Variants in GRAMD1B observed in about 807,000 individuals in gnomAD.
GRAMD1B encodes the protein GRAM domain containing 1B.
GRAMD1B carries 37 observed loss-of-function variants against 99.7 expected under a neutral mutation model. The ratio of observed to expected loss-of-function variants is 0.37; its 90% CI spans 0.29 to 0.49. The LOEUF (loss-of-function observed/expected upper bound fraction) is 0.49. Ranked by LOEUF, GRAMD1B falls within the 20% of genes least tolerant of loss-of-function variation. The probability of loss-of-function intolerance (pLI) is 0.98; values close to 1 mark genes in which losing one functional copy is unlikely to be tolerated. For missense variants in GRAMD1B, 888 were observed against 1,009.2 expected (o/e 0.88, Z 1.63); for synonymous variants, 427 against 387.6 (o/e 1.10, Z -1.19).
At chr11:123,579,910 CAG>C (rs1270203043) in intron 3 of GRAMD1B, among the ~76,000 whole-genome samples, 3 of 152,180 alleles carry the variant, frequency 2.0e-5, no homozygotes, top group Admixed American at 6.5e-5. Context: ...GAGCAGGAAT[CAG>C]GGGCCAAACT....
intron 1 of GRAMD1B, among the ~76,000 whole-genome samples, chr11:123,456,296 T>G (rs1480469711): frequency 1.3e-5 from 2 of 152,200 alleles, no homozygotes; most frequent in Non-Finnish European, 2.9e-5. Context: ...AGAAAAAAGT[T>G]TCAGATGCCT....
rs559811602 is a variant in GRAMD1B at position 123,441,351 on chromosome 11, A to G, written c.374+10185A>G. On this transcript the variant is annotated intron_variant, in intron 1 of 19. Coordinates refer to ENST00000635736, the MANE Select transcript of GRAMD1B (RefSeq NM_001387025.1). ...CCTACACTAGAGACAAAATCTCAGC[A>G]TGCAGGCCGGGTGTGGTGGTTCACG... Among the ~76,000 whole-genome samples the G allele has an allele frequency of 1.1e-3, 174 of 152,276 alleles. 1 individual carries two copies. Among genetic ancestry groups the G allele is most frequent in the Non-Finnish European group, 2.3e-3 (155 of 68,034 alleles).
chr11:123,594,742 A>G lies in GRAMD1B; in HGVS notation c.777A>G (p.Ser259=), dbSNP rs1951069967. The change falls in exon 6 of 20, where the codon TCA becomes TCG. Residue 259 remains serine, a synonymous_variant. Coordinates refer to ENST00000635736, the MANE Select transcript of GRAMD1B (RefSeq NM_001387025.1). The part of the protein sequence containing the change: ...PDTERLIVDY[S]CALQRDILLQ... The stretch of plus-strand genomic sequence containing the variant: ...CCTCCGCTCCTACCACAGATTACTC[A>G]TGTGCACTCCAAAGAGACATTCTCC... The G allele has an allele frequency of 6.4e-7, 1 of 1,564,392 alleles. No homozygotes were observed. Among genetic ancestry groups the G allele is most frequent in the Non-Finnish European group, 8.8e-7 (1 of 1,134,690 alleles).
rs1251068110 is a variant in GRAMD1B, at chr11:123,578,264, A to G, written c.663+687A>G. The G allele has an allele frequency of 1.2e-5, 8 of 646,274 alleles. No individual in the cohort carries two copies. The South Asian group carries it at 1.3e-4, about 10-fold the overall frequency. 40.0% of individuals were successfully genotyped at this position (646,274 alleles called of 1,614,324 possible). ...TCAGGAAACTTCTCTTCACCCTGGG[A>G]CCCCCAGGGCCTGGGAAGGGGTTGG... is the stretch of plus-strand genomic sequence containing the variant. On this transcript the variant is annotated intron_variant, in intron 3 of 19. Transcript: ENST00000635736.
intron 3 of GRAMD1B, among the ~76,000 whole-genome samples, chr11:123,578,207 G>T (rs1948946689): frequency 6.6e-6 from 1 of 152,088 alleles, no homozygotes; most frequent in South Asian, 2.1e-4. Context: ...GGTCCTTTGG[G>T]GAGCAGGAGA....
intron 1 of GRAMD1B, chr11:123,381,485 A>C (rs1018743397): frequency 1.9e-5 from 3 of 154,296 alleles, no homozygotes; most frequent in Non-Finnish European, 4.4e-5. Flanking sequence ...TGGCTGTGAT[A>C]ATCACCGGAA....
intron 1 of GRAMD1B, among the ~76,000 whole-genome samples, chr11:123,400,643 T>A (rs1947627662): frequency 6.6e-6 from 1 of 151,958 alleles, no homozygotes; most frequent in Non-Finnish European, 1.5e-5. Context: ...CTCTCTGGGG[T>A]CTCTTTCATA....
intron 15 of GRAMD1B, 165 bp from the exon 16 acceptor site, chr11:123,613,290 C>T: frequency 5.0e-6 from 3 of 606,002 alleles, no homozygotes; most frequent in Non-Finnish European, 8.9e-6. Context: ...AAGGGTTTGA[C>T]TGGGGCTGGG....
intron 2 of GRAMD1B, among the ~76,000 whole-genome samples, chr11:123,493,852 C>G (rs144261234): frequency 6.6e-6 from 1 of 152,160 alleles, no homozygotes; most frequent in Non-Finnish European, 1.5e-5. Context: ...GTTCTTCCTC[C>G]CTGTTAGTGA....
chr11:123,565,013 A>G (rs1947187760), intron 2 of GRAMD1B, among the ~76,000 whole-genome samples: 1 of 152,144 alleles, frequency 6.6e-6, no homozygotes, highest in Non-Finnish European at 1.5e-5. Flanking sequence ...AGTTTATTAT[A>G]TACTTTTATT....
At chr11:123,578,109 G>A (rs368683056) in intron 3 of GRAMD1B, among the ~76,000 whole-genome samples, 44 of 152,266 alleles carry the variant, frequency 2.9e-4, no homozygotes, top group African/African-American at 9.9e-4. Flanking sequence ...CCTGAGTACC[G>A]GGGCCCTTGG....
intron 1 of GRAMD1B, among the ~76,000 whole-genome samples, chr11:123,415,893 C>T (rs1948218526): frequency 6.6e-6 from 1 of 152,136 alleles, no homozygotes; most frequent in Admixed American, 6.5e-5. Flanking sequence ...ATACACACAG[C>T]CTTTTTTCAA....
chr11:123,387,541 G>A (rs1430298527), intron 1 of GRAMD1B, among the ~76,000 whole-genome samples: 1 of 151,994 alleles, frequency 6.6e-6, no homozygotes, highest in African/African-American at 2.4e-5. Context: ...GGGTTTGGAG[G>A]GCTTCTCAAA....
chr11:123,455,536 T>G (rs1950077114), intron 1 of GRAMD1B, among the ~76,000 whole-genome samples: 1 of 152,146 alleles, frequency 6.6e-6, no homozygotes, highest in Non-Finnish European at 1.5e-5. Context: ...CTACTTGCTA[T>G]CGAACTGCTG....
chr11:123,616,542 G>A (rs1420029352), intron 17 of GRAMD1B, among the ~76,000 whole-genome samples: 1 of 152,230 alleles, frequency 6.6e-6, no homozygotes, highest in Non-Finnish European at 1.5e-5. Context: ...AAATTGTATA[G>A]CATGTTATTA....
chr11:123,503,764 C>T (rs1023835322), intron 2 of GRAMD1B, among the ~76,000 whole-genome samples: 1 of 152,140 alleles, frequency 6.6e-6, no homozygotes, highest in African/African-American at 2.4e-5. Flanking sequence ...TCAGACTGGT[C>T]TCAAACTCCT....
At chr11:123,481,981 T>C (rs568001253) in intron 2 of GRAMD1B, among the ~76,000 whole-genome samples, 13 of 152,210 alleles carry the variant, frequency 8.5e-5, no homozygotes, top group African/African-American at 3.1e-4. Context: ...TGAGAGGGGG[T>C]AGAGAACACC....
chr11:123,589,467 A>G (rs1486019041), intron 4 of GRAMD1B, among the ~76,000 whole-genome samples: 2 of 151,588 alleles, frequency 1.3e-5, no homozygotes, highest in Non-Finnish European at 2.9e-5. Context: ...ACTTTTTTTG[A>G]GAGTCTCTCT....
At position 123,613,733 on chromosome 11, in the gene GRAMD1B, C is replaced by T. The variant is rs182277903; in HGVS notation, c.2227+75C>T. The T allele has an allele frequency of 1.9e-5, 19 of 999,580 alleles. No homozygotes were observed. In the African/African-American group the frequency reaches 2.9e-4, roughly 15 times the overall value. The allele number at this position is 999,580 out of a possible 1,614,324, so 61.9% of individuals were successfully genotyped here. ...CTGCATGCCCACACCAAGGCACACA[C>T]ATGCACACTCATTTTGCACCTTGGC... On this transcript the variant is annotated intron_variant, in intron 16 of 19. Coordinates refer to ENST00000635736, the MANE Select transcript of GRAMD1B (RefSeq NM_001387025.1).
Sources: gnomAD v4.1 joint callset for allele counts (sites outside exome capture counted in the v4.1 genomes callset) on GRCh38, gnomAD v4.1.1 for gene constraint, MANE v1.5 for transcripts, NCBI Gene and HGNC (gene_info 2026-07-23, HGNC 2026-07-21) for gene names.